ABHD2: variants seen among roughly 807,000 people sequenced by gnomAD.
ABHD2 encodes abhydrolase domain containing 2, acylglycerol lipase.
A neutral mutation model predicts 48.1 loss-of-function variants in ABHD2; 20 were observed. The ratio of observed to expected loss-of-function variants is 0.42; its 90% CI spans 0.29 to 0.60. The LOEUF (loss-of-function observed/expected upper bound fraction) is 0.60. Ranked by LOEUF, ABHD2 falls within the 20% of genes least tolerant of loss-of-function variation. ABHD2 has a pLI of 0.24. For synonymous variants in ABHD2, 209 were observed against 214.2 expected (o/e 0.98, Z 0.21); for missense variants, 405 against 550.9 (o/e 0.74, Z 2.65).
the ABHD2 span, among the ~76,000 whole-genome samples, chr15:89,057,224 C>T: frequency 6.6e-6 from 1 of 152,110 alleles, no homozygotes; most frequent in African/African-American, 2.4e-5. Flanking sequence ...AGCGTGATAC[C>T]ATTTTTAAAA....
the ABHD2 span, among the ~76,000 whole-genome samples, chr15:89,044,589 T>C: frequency 1.3e-5 from 2 of 151,466 alleles, no homozygotes; most frequent in African/African-American, 4.8e-5. Context: ...TTTTAATGAT[T>C]GCCATTCTAA....
Position 89,184,615 on chromosome 15 carries a change from G to C in ABHD2, c.723-809G>C, listed in dbSNP as rs74593997. Among the ~76,000 whole-genome samples the C allele has an allele frequency of 6.1e-4, 93 of 152,346 alleles. 1 individual carries two copies. Among genetic ancestry groups the C allele is most frequent in the African/African-American group, 2.0e-3 (85 of 41,588 alleles). On this transcript the variant is annotated intron_variant, in intron 6 of 10. Coordinates refer to ENST00000352732, the MANE Select transcript of ABHD2 (RefSeq NM_152924.5). The surrounding 1 kb of genome is among the most constrained non-coding windows in gnomAD (Gnocchi z 5.1). ...TTTGTTCACCTGCTGTGTGGTCATG[G>C]ACATCTGGCTGGGGAAGCACATGGC... is the stretch of plus-strand genomic sequence containing the variant.
intron 3 of ABHD2, among the ~76,000 whole-genome samples, chr15:89,125,254 CAAAAAA>C (rs35053074): frequency 1.6e-5 from 2 of 128,554 alleles, no homozygotes; most frequent in African/African-American, 5.5e-5. Context: ...GACTCCATGT[CAAAAAA>C]AAAAAAAGAG....
At chr15:89,085,444 G>A (rs1335454690), upstream of ABHD2, among the ~76,000 whole-genome samples, 1 of 151,986 alleles carries the variant, frequency 6.6e-6, no homozygotes, top group African/African-American at 2.4e-5. This position sits in a 1 kb window ranked among gnomAD's most constrained non-coding sequence, Gnocchi z 4.2. Flanking sequence ...TGGCAAGACT[G>A]CAAGCAGAAG....
At chr15:89,170,227 C>T (rs1347493002) in intron 5 of ABHD2, among the ~76,000 whole-genome samples, 1 of 150,886 alleles carries the variant, frequency 6.6e-6, no homozygotes, top group Non-Finnish European at 1.5e-5. Context: ...TCCCAAGTAG[C>T]TGGGACTACA....
intron 1 of ABHD2, among the ~76,000 whole-genome samples, chr15:89,107,417 C>T (rs1310391124): frequency 6.6e-6 from 1 of 152,076 alleles, no homozygotes; most frequent in Non-Finnish European, 1.5e-5. Context: ...GCTAATGAGA[C>T]TTGTGTGTCA....
Position 89,185,621 on chromosome 15 carries a change from A to G in ABHD2, c.815+105A>G. The G allele has an allele frequency of 9.9e-7, 1 of 1,012,316 alleles. No homozygotes were observed. Among genetic ancestry groups the G allele is most frequent in the Non-Finnish European group, 1.5e-6 (1 of 667,712 alleles). 62.7% of individuals were successfully genotyped at this position (1,012,316 alleles called of 1,614,324 possible). On this transcript the variant is annotated intron_variant, in intron 7 of 10. Transcript: ENST00000352732. The surrounding 1 kb of genome is among the most constrained non-coding windows in gnomAD (Gnocchi z 5.9). ...CCTGTTCCTTCAGGGGAAAAAAAAA[A>G]ATGCAGGTGTGGTACAGACTCTCTG...
chr15:89,173,359 G>C lies in ABHD2; in HGVS notation c.539-2453G>C, dbSNP rs1165808447. On this transcript the variant is annotated intron_variant, in intron 5 of 10. Coordinates refer to ENST00000352732, the MANE Select transcript of ABHD2 (RefSeq NM_152924.5). The surrounding 1 kb of genome is among the most constrained non-coding windows in gnomAD (Gnocchi z 6.5). ...AGGCGGAGGCAGGCAGATCACCTGA[G>C]GTCAGGAGTTCAAGACCAGACTGGC... Among the ~76,000 whole-genome samples, 1 of 152,114 alleles carries C rather than the reference G, an allele frequency of 6.6e-6. No homozygotes were observed. Among genetic ancestry groups the C allele is most frequent in the Non-Finnish European group, 1.5e-5 (1 of 68,024 alleles).
At chr15:89,143,366 T>G (rs931987127) in intron 3 of ABHD2, among the ~76,000 whole-genome samples, 1 of 152,218 alleles carries the variant, frequency 6.6e-6, no homozygotes, top group Non-Finnish European at 1.5e-5. Flanking sequence ...ATCAACTAAT[T>G]CATTTTTTAA....
chr15:89,083,152 G>C (rs1901307788), upstream of ABHD2, among the ~76,000 whole-genome samples: 1 of 152,144 alleles, frequency 6.6e-6, no homozygotes, highest in Admixed American at 6.5e-5. The surrounding 1 kb of genome is among the most constrained non-coding windows in gnomAD (Gnocchi z 5.1). Context: ...ACTGTGCCCG[G>C]CCTGTTTTTG....
In ABHD2 at chr15:89,188,381, A is replaced by G. The variant is rs2051248917; in HGVS notation, c.926+78A>G. The G allele has an allele frequency of 1.5e-6, 2 of 1,305,560 alleles. No homozygotes were observed. Among genetic ancestry groups the G allele is most frequent in the African/African-American group, 1.5e-5 (1 of 68,776 alleles). The allele number at this position is 1,305,560 out of a possible 1,614,324, so 80.9% of individuals were successfully genotyped here. On this transcript the variant is annotated intron_variant, in intron 8 of 10. Coordinates refer to ENST00000352732, the MANE Select transcript of ABHD2 (RefSeq NM_152924.5). This position sits in a 1 kb window ranked among gnomAD's most constrained non-coding sequence, Gnocchi z 4.1. ...AGGCTGCAGGTCAGCTGTGCCCAGC[A>G]CTAGTGTTTGCTCTGCCTACTTGAG...
rs552549692 is a variant in ABHD2 at position 89,146,785 on chromosome 15, A to G, written c.195-4892A>G. ...ATGAAGAAAGCAATGAAATTTTACT[A>G]TAGGATTTAATGGAGAGATGTACCA... On this transcript the variant is annotated intron_variant, in intron 3 of 10. Coordinates refer to ENST00000352732, the MANE Select transcript of ABHD2 (RefSeq NM_152924.5). The surrounding 1 kb of genome is among the most constrained non-coding windows in gnomAD (Gnocchi z 4.2). 6.6e-6 allele frequency among the ~76,000 whole-genome samples: 1 copy of G among 152,348 alleles called. No homozygotes were observed. Among genetic ancestry groups the G allele is most frequent in the South Asian group, 2.1e-4 (1 of 4,826 alleles).
chr15:89,114,905 T>A lies in ABHD2; in HGVS notation c.-7+1081T>A, dbSNP rs1200596240. On this transcript the variant is annotated intron_variant, in intron 2 of 10. Coordinates refer to ENST00000352732, the MANE Select transcript of ABHD2 (RefSeq NM_152924.5). The surrounding 1 kb of genome is among the most constrained non-coding windows in gnomAD (Gnocchi z 4.2). ...GTTTTTAAAAATCCTTGTCTTGCCC[T>A]GATGGTGGAAGACTAGTTACGGAGC... Among the ~76,000 whole-genome samples, 3 of 152,238 alleles carry A rather than the reference T, an allele frequency of 2.0e-5. No homozygotes were observed. The highest frequency in any genetic ancestry group is 7.2e-5 in the African/African-American group (3 of 41,470).
At chr15:89,060,103 T>C in the ABHD2 span, among the ~76,000 whole-genome samples, 1 of 148,316 alleles carries the variant, frequency 6.7e-6, no homozygotes, top group African/African-American at 2.5e-5. Context: ...TTTTTTTTTT[T>C]TTTTGAGACA....
the ABHD2 span, among the ~76,000 whole-genome samples, chr15:89,071,995 C>T: frequency 6.6e-6 from 1 of 152,144 alleles, no homozygotes; most frequent in African/African-American, 2.4e-5. Flanking sequence ...TGTTGTGTCC[C>T]AGGAAACCCC....
Position 89,201,830 on chromosome 15 carries a change from G to C in ABHD2, c.*6407G>C. On this transcript the variant is annotated 3_prime_UTR_variant, in exon 11 of 11. Coordinates refer to ENST00000352732, the MANE Select transcript of ABHD2 (RefSeq NM_152924.5). ...GAGAGACAGCGCAGAGCAGGGGGCGGCTTGCTCGCTGGGGGCGGGGGACGA... is the reference window on the plus strand; with the variant it reads ...GAGAGACAGCGCAGAGCAGGGGGCGCCTTGCTCGCTGGGGGCGGGGGACGA... 8.8e-7 allele frequency: 1 copy of C among 1,142,080 alleles called. No homozygotes were observed. Among genetic ancestry groups the C allele is most frequent in the Non-Finnish European group, 1.3e-6 (1 of 785,442 alleles). 70.7% of individuals were successfully genotyped at this position (1,142,080 alleles called of 1,614,324 possible).
intron 1 of ABHD2, among the ~76,000 whole-genome samples, chr15:89,098,946 T>A (rs970488868): frequency 2.0e-5 from 3 of 152,222 alleles, no homozygotes; most frequent in Non-Finnish European, 4.4e-5. Flanking sequence ...TTATCAAGGC[T>A]GAAGTGATCA....
intron 3 of ABHD2, among the ~76,000 whole-genome samples, chr15:89,150,250 T>C (rs898683522): frequency 1.3e-5 from 2 of 152,212 alleles, no homozygotes; most frequent in Non-Finnish European, 2.9e-5. Context: ...ATCAAAAGCT[T>C]AATTTCTTGG....
Position 89,188,284 on chromosome 15 carries a change from A to G in ABHD2, c.907A>G (p.Ile303Val), listed in dbSNP as rs1246455828. The G allele has an allele frequency of 1.9e-6, 3 of 1,614,198 alleles. No homozygotes were observed. Among genetic ancestry groups the G allele is most frequent in the Non-Finnish European group, 2.5e-6 (3 of 1,180,020 alleles). The change falls in exon 8 of 11, where the codon ATT (isoleucine) becomes GTT (valine). Residue 303 changes from isoleucine (I) to valine (V), a missense_variant. Transcript: ENST00000352732. This position sits in a 1 kb window ranked among gnomAD's most constrained non-coding sequence, Gnocchi z 4.1. ...CTACACAGCAACATCCCTGATGCAGATTGATGACAATGTGATGAGGTGTGT... is the reference window on the plus strand; with the variant it reads ...CTACACAGCAACATCCCTGATGCAGGTTGATGACAATGTGATGAGGTGTGT... ...RLYTATSLMQ[I>V]DDNVMRKFHG... is the part of the protein sequence containing the mutation.
Sources: gnomAD v4.1 joint callset for allele counts (sites outside exome capture counted in the v4.1 genomes callset) on GRCh38, gnomAD v4.1.1 for gene constraint, Gnocchi (gnomAD v3.1) non-coding constraint, MANE v1.5 for transcripts, NCBI Gene and HGNC (gene_info 2026-07-23, HGNC 2026-07-21) for gene names.